The following BCO1 variants were observed in gnomAD, a reference collection of about 807,000 sequenced individuals.
The protein encoded by BCO1 is beta,beta-carotene 15,15'-dioxygenase.
BCO1 carries 54 observed loss-of-function variants against 56.3 expected under a neutral mutation model. That is an observed-to-expected ratio of 0.96 (90% CI 0.77 to 1.20). The LOEUF (loss-of-function observed/expected upper bound fraction) is 1.20, where lower values mean the gene tolerates loss of function less well. Ranked by LOEUF, BCO1 falls within the 50% of genes most tolerant of loss-of-function variation. The pLI is 0.00. For missense variants in BCO1, 801 were observed against 690.9 expected (o/e 1.16, Z -1.79); for synonymous variants, 318 against 266.1 (o/e 1.20, Z -1.90).
intron 1 of BCO1, among the ~76,000 whole-genome samples, chr16:81,239,295 G>C (rs1022931220): frequency 5.3e-5 from 8 of 152,092 alleles, no homozygotes; most frequent in African/African-American, 1.9e-4. Flanking sequence ...AGGATTACAG[G>C]GGTGAGCCAC....
intron 1 of BCO1, among the ~76,000 whole-genome samples, chr16:81,244,961 G>A (rs62054702): frequency 0.39 from 58,440 of 151,456 alleles, 11,807 homozygotes; most frequent in African/African-American, 0.52. Flanking sequence ...TACAATCTCG[G>A]CTCGCTGCAA....
intron 2 of BCO1, among the ~76,000 whole-genome samples, chr16:81,251,240 C>T (rs1165975492): frequency 2.0e-5 from 3 of 151,642 alleles, no homozygotes; most frequent in African/African-American, 7.3e-5. Flanking sequence ...CAGCAGAGGC[C>T]AGTAGAAATT....
intron 1 of BCO1, among the ~76,000 whole-genome samples, chr16:81,242,848 C>A (rs1055156929): frequency 2.1e-4 from 32 of 152,258 alleles, no homozygotes; most frequent in African/African-American, 7.0e-4. Flanking sequence ...GCATTAGATT[C>A]TCATATGAGT....
At chr16:81,242,188 CTGTCTT>C (rs1177208412) in intron 1 of BCO1, among the ~76,000 whole-genome samples, 109 of 141,214 alleles carry the variant, frequency 7.7e-4, no homozygotes, top group African/African-American at 2.7e-3. Flanking sequence ...AGAGACTTGG[CTGTCTT>C]TTTTTTTTTT....
Position 81,280,914 on chromosome 16 carries a change from A to T in BCO1, c.1159A>T (p.Lys387Ter), listed in dbSNP as rs1185804692. 6 of 1,614,040 alleles carry T rather than the reference A, an allele frequency of 3.7e-6. No homozygotes were observed. Among genetic ancestry groups the T allele is most frequent in the Non-Finnish European group, 5.1e-6 (6 of 1,179,996 alleles). ...GGCATCTACAACAGCCACGGCCCTG[A>T]AGGAAGAAGATGGCCAAGTCTACTG... ...KVASTTATAL[K>*]EEDGQVYCQP... The change falls in exon 8 of 11, where the codon AAG becomes TAG. Residue 387 changes from lysine (K) to a stop codon, truncating the protein, a stop_gained. Transcript: ENST00000258168. LOFTEE classifies it high-confidence loss of function.
At chr16:81,261,755 TC>T (rs1906494096) in intron 3 of BCO1, among the ~76,000 whole-genome samples, 1 of 151,900 alleles carries the variant, frequency 6.6e-6, no homozygotes, top group Non-Finnish European at 1.5e-5. Flanking sequence ...TTTTTTTTTT[TC>T]TTTGAGACAG....
At chr16:81,290,319 C>G (rs903776962) in intron 10 of BCO1, 29 bp from the exon 11 acceptor site, 1 of 1,574,706 alleles carries the variant, frequency 6.4e-7, no homozygotes, top group Admixed American at 1.7e-5. Flanking sequence ...TGCACTTTTA[C>G]GAAGTGTTTT....
intron 1 of BCO1, among the ~76,000 whole-genome samples, chr16:81,240,270 C>G (rs568580676): frequency 6.6e-6 from 1 of 151,956 alleles, no homozygotes; most frequent in African/African-American, 2.4e-5. Context: ...GGTCTATTTC[C>G]TTTAACTTTT....
intron 5 of BCO1, 72 bp downstream of exon 5, chr16:81,264,859 C>T (rs1906713113): frequency 2.6e-6 from 4 of 1,542,966 alleles, no homozygotes; most frequent in East Asian, 2.3e-5. Context: ...TTCTGTTTTT[C>T]GTTGATGACA....
intron 2 of BCO1, among the ~76,000 whole-genome samples, chr16:81,249,020 A>C (rs1402408881): frequency 6.6e-6 from 1 of 152,016 alleles, no homozygotes; most frequent in Non-Finnish European, 1.5e-5. Flanking sequence ...TCAAGAAAAA[A>C]AGCACCAGTG....
At chr16:81,267,294 G>A (rs969052900) in intron 5 of BCO1, among the ~76,000 whole-genome samples, 7 of 152,070 alleles carry the variant, frequency 4.6e-5, no homozygotes, top group African/African-American at 1.4e-4. Flanking sequence ...CTACAGCCCC[G>A]CTTGACTATC....
chr16:81,280,900 C>T lies in BCO1; in HGVS notation c.1145C>T (p.Thr382Ile), dbSNP rs745761600. 20 of 1,614,000 alleles carry T rather than the reference C, an allele frequency of 1.2e-5. No homozygotes were observed. The South Asian group carries it at 2.0e-4, about 16-fold the overall frequency. The change falls in exon 8 of 11, where the codon ACA becomes ATA. Residue 382 changes from threonine to isoleucine, a missense_variant. Coordinates refer to ENST00000258168, the MANE Select transcript of BCO1 (RefSeq NM_017429.3). ...GTNLIKVAST[T>I]ATALKEEDGQ... is the part of the protein sequence containing the mutation. ...AATTTAATCAAAGTGGCATCTACAA[C>T]AGCCACGGCCCTGAAGGAAGAAGAT...
intron 7 of BCO1, among the ~76,000 whole-genome samples, chr16:81,278,434 C>G (rs1165267710): frequency 6.6e-6 from 1 of 152,212 alleles, no homozygotes; most frequent in African/African-American, 2.4e-5. Context: ...CCGTGCAAAA[C>G]AAGTCTTGCC....
intron 7 of BCO1, among the ~76,000 whole-genome samples, chr16:81,273,727 C>G (rs1366528493): frequency 6.6e-6 from 1 of 151,740 alleles, no homozygotes; most frequent in Non-Finnish European, 1.5e-5. Context: ...GCTGGCAATG[C>G]TTGCTGCACA....
chr16:81,261,035 C>T (rs1373517210), intron 3 of BCO1, among the ~76,000 whole-genome samples: 7 of 152,194 alleles, frequency 4.6e-5, no homozygotes, highest in Admixed American at 3.3e-4. Flanking sequence ...CAGTATCCAG[C>T]TCTAGGGCTA....
At chr16:81,257,531 C>G (rs545532027) in intron 2 of BCO1, among the ~76,000 whole-genome samples, 2 of 150,944 alleles carry the variant, frequency 1.3e-5, no homozygotes, top group Non-Finnish European at 3.0e-5. Context: ...TCCCAAAGTG[C>G]TGGGATTACA....
chr16:81,249,274 T>G (rs905934807), intron 2 of BCO1, among the ~76,000 whole-genome samples: 1 of 151,890 alleles, frequency 6.6e-6, no homozygotes. Context: ...TTTCTTTTTT[T>G]GAGACAGAGT....
intron 1 of BCO1, among the ~76,000 whole-genome samples, chr16:81,242,506 G>C (rs986793396): frequency 1.2e-4 from 19 of 152,176 alleles, no homozygotes; most frequent in South Asian, 4.1e-4. Context: ...GGCCTCGGCT[G>C]TCATTTTTCA....
At chr16:81,251,204 A>G (rs2151930166) in intron 2 of BCO1, among the ~76,000 whole-genome samples, 1 of 152,312 alleles carries the variant, frequency 6.6e-6, no homozygotes, top group South Asian at 2.1e-4. Context: ...CAAGAAACAA[A>G]AAGGCAGAAA....
Sources: gnomAD v4.1 joint callset for allele counts (sites outside exome capture counted in the v4.1 genomes callset) on GRCh38, gnomAD v4.1.1 for gene constraint, MANE v1.5 for transcripts, NCBI Gene and HGNC (gene_info 2026-07-23, HGNC 2026-07-21) for gene names.